The following ZNF658 variants were observed in gnomAD, a reference collection of about 807,000 sequenced individuals.
ZNF658 encodes zinc finger protein 658.
In ZNF658, 46 loss-of-function variants were observed where a neutral mutation model predicts 78.0. The ratio of observed to expected loss-of-function variants is 0.59; its 90% CI spans 0.47 to 0.75. The LOEUF (loss-of-function observed/expected upper bound fraction) is 0.75. ZNF658 is among the 30% of genes least tolerant of loss of function. The pLI, the probability that ZNF658 is intolerant of heterozygous loss-of-function variation, is 0.00. For missense variants in ZNF658, 785 were observed against 1,189.3 expected (o/e 0.66, Z 5.00); for synonymous variants, 279 against 408.4 (o/e 0.68, Z 3.82).
At chr9:66,924,740 C>T, downstream of ZNF658, among the ~76,000 whole-genome samples, 1 of 111,372 alleles carries the variant, frequency 9.0e-6, no homozygotes, top group Middle Eastern at 4.8e-3. Flanking sequence ...AAATACATAC[C>T]ATGTTAACAG....
downstream of ZNF658, among the ~76,000 whole-genome samples, chr9:66,925,474 A>G (rs1350305771): frequency 6.6e-6 from 1 of 151,716 alleles, no homozygotes; most frequent in East Asian, 1.9e-4. Flanking sequence ...ACACCAATAA[A>G]CTCAATAACC....
At chr9:66,929,394 G>A (rs1441172013) in intron 6 of ZNF658, among the ~76,000 whole-genome samples, 2 of 133,604 alleles carry the variant, frequency 1.5e-5, no homozygotes, top group Admixed American at 1.6e-4. Flanking sequence ...TGCAGGCACG[G>A]GGAAATTGAG....
chr9:66,907,756 C>T (rs1334667085), intron 2 of ZNF658, among the ~76,000 whole-genome samples: 1 of 152,182 alleles, frequency 6.6e-6, no homozygotes, highest in Admixed American at 6.5e-5. Flanking sequence ...ATTGCTGTGA[C>T]CTCAGTGTAG....
intron 2 of ZNF658, among the ~76,000 whole-genome samples, chr9:66,905,267 G>T (rs1308993141): frequency 6.7e-6 from 1 of 149,202 alleles, no homozygotes; most frequent in Admixed American, 6.7e-5. Flanking sequence ...GTAGAGATGG[G>T]GTTTTACCAT....
At position 66,917,919 on chromosome 9, in the gene ZNF658, T is replaced by A; in HGVS notation, c.353T>A (p.Val118Asp). 1 of 1,610,482 alleles carries A rather than the reference T, an allele frequency of 6.2e-7. No homozygotes were observed. Among genetic ancestry groups the A allele is most frequent in the East Asian group, 2.2e-5 (1 of 44,766 alleles). The change falls in exon 5 of 5, where the codon GTT becomes GAT. Residue 118 changes from valine to aspartate, a missense_variant. By Grantham distance (152) the Val-to-Asp change is radical. Transcript: ENST00000621410. ...DKTLSKEGQK[V>D]LEKPFNLEIA... ...ACATTGAGTAAAGAAGGACAGAAAG[T>A]TTTAGAAAAACCATTTAATCTGGAA...
Position 66,908,408 on chromosome 9 carries a change from C to T in ZNF658, c.142+44C>T, listed in dbSNP as rs752503481. The T allele has an allele frequency of 4.3e-6, 7 of 1,612,636 alleles. No homozygotes were observed. In the East Asian group the frequency reaches 1.1e-4, roughly 26 times the overall value. On this transcript the variant is annotated intron_variant, in intron 3 of 4. Coordinates refer to ENST00000621410, the MANE Select transcript of ZNF658 (RefSeq NM_033160.7). ...GGGGCTCTCTCGAGAATATATGTCC[C>T]TTTTTAAAAAGTATCAAAACACATG...
chr9:66,905,252 T>C (rs1247036170), intron 2 of ZNF658, among the ~76,000 whole-genome samples: 1 of 150,804 alleles, frequency 6.6e-6, no homozygotes, highest in African/African-American at 2.4e-5. Context: ...ATTTTAGTAT[T>C]TTTAGTAGAG....
intron 4 of ZNF658, among the ~76,000 whole-genome samples, chr9:66,913,986 T>TAAG (rs1489380592): frequency 1.0e-4 from 12 of 116,328 alleles, no homozygotes; most frequent in Admixed American, 4.0e-4. Context: ...CTCTAGCTTA[T>TAAG]TAAGTTTTGA....
chr9:66,905,305 G>A lies in ZNF658; in HGVS notation c.15+1729G>A, dbSNP rs1197868454. Among the ~76,000 whole-genome samples the A allele has an allele frequency of 2.7e-5, 4 of 148,928 alleles. No homozygotes were observed. In the East Asian group the frequency reaches 5.9e-4, roughly 22 times the overall value. On this transcript the variant is annotated intron_variant, in intron 2 of 4. Coordinates refer to ENST00000621410, the MANE Select transcript of ZNF658 (RefSeq NM_033160.7). ...TGGCCAGGCTGGTCTTGAACTCTTGGCCTCAAGTGATCTGCCTACCTCCTA... is the reference window on the plus strand; with the variant it reads ...TGGCCAGGCTGGTCTTGAACTCTTGACCTCAAGTGATCTGCCTACCTCCTA...
chr9:66,917,683 A>T, intron 4 of ZNF658, 122 bp from the exon 5 acceptor site: 1 of 819,800 alleles, frequency 1.2e-6, no homozygotes, highest in South Asian at 1.9e-5. Flanking sequence ...ACTGCACTCC[A>T]GCCTGGGTGA....
At chr9:66,914,856 C>T (rs1011696596) in intron 4 of ZNF658, among the ~76,000 whole-genome samples, 9 of 152,016 alleles carry the variant, frequency 5.9e-5, no homozygotes, top group African/African-American at 2.2e-4. Flanking sequence ...AGATATTGGT[C>T]TGAAAGCTTC....
At chr9:66,904,378 C>T (rs1451605878) in intron 2 of ZNF658, among the ~76,000 whole-genome samples, 2 of 151,584 alleles carry the variant, frequency 1.3e-5, no homozygotes, top group Non-Finnish European at 2.9e-5. Flanking sequence ...ACTTGCCCCT[C>T]ACTGGTCCTT....
At chr9:66,902,731 GC>G (rs1185792396) in intron 1 of ZNF658, among the ~76,000 whole-genome samples, 1 of 151,898 alleles carries the variant, frequency 6.6e-6, no homozygotes, top group Non-Finnish European at 1.5e-5. Flanking sequence ...TATATTGGAA[GC>G]CCAAAAATAT....
At chr9:66,909,963 C>G (rs1183509207) in intron 4 of ZNF658, among the ~76,000 whole-genome samples, 2 of 152,182 alleles carry the variant, frequency 1.3e-5, no homozygotes, top group African/African-American at 2.4e-5. Flanking sequence ...CAGCCACTTT[C>G]TTGCTGTGTG....
chr9:66,925,935 A>G (rs1822582111), downstream of ZNF658, among the ~76,000 whole-genome samples: 1 of 144,638 alleles, frequency 6.9e-6, no homozygotes, highest in Non-Finnish European at 1.5e-5. Context: ...ATGGTTCAAC[A>G]TATGAAAATC....
At chr9:66,914,664 T>C (rs1822291854) in intron 4 of ZNF658, among the ~76,000 whole-genome samples, 1 of 152,162 alleles carries the variant, frequency 6.6e-6, no homozygotes, top group Non-Finnish European at 1.5e-5. Context: ...TGTGTGATTT[T>C]AGTTCTTCAG....
intron 6 of ZNF658, among the ~76,000 whole-genome samples, chr9:66,929,635 G>A (rs1822620913): frequency 6.7e-6 from 1 of 149,564 alleles, no homozygotes; most frequent in South Asian, 2.1e-4. Flanking sequence ...AACTATGCAG[G>A]TAACTAATGG....
At chr9:66,908,436 C>T (rs1340326141) in intron 3 of ZNF658, 72 bp downstream of exon 3, 2 of 1,600,620 alleles carry the variant, frequency 1.2e-6, no homozygotes, top group African/African-American at 1.3e-5. Flanking sequence ...AACACATGGA[C>T]CCTTTATAGA....
chr9:66,929,064 C>A (rs1822614209), intron 6 of ZNF658, among the ~76,000 whole-genome samples: 1 of 152,114 alleles, frequency 6.6e-6, no homozygotes, highest in African/African-American at 2.4e-5. Flanking sequence ...AGGGGTGTGA[C>A]AATCACAGCT....
Sources: allele counts gnomAD v4.1 joint callset (sites outside exome capture counted in the v4.1 genomes callset), GRCh38; gene constraint gnomAD v4.1.1; transcripts MANE v1.5; gene names NCBI Gene and HGNC (gene_info 2026-07-23, HGNC 2026-07-21).